ARHGEF28: variants seen among roughly 807,000 people sequenced by gnomAD.
ARHGEF28 encodes the protein 190 kDa guanine nucleotide exchange factor.
ARHGEF28 carries 152 observed loss-of-function variants against 206.6 expected under a neutral mutation model. The observed-to-expected ratio is 0.74, with a 90% CI of 0.64 to 0.84. The LOEUF is 0.84. ARHGEF28 is among the 40% of genes least tolerant of loss of function. ARHGEF28 has a pLI of 0.00. For synonymous variants in ARHGEF28, 763 were observed against 776.4 expected (o/e 0.98, Z 0.29); for missense variants, 2,028 against 2,073.2 (o/e 0.98, Z 0.42).
chr5:73,667,677 G>C (rs951351092), intron 1 of ARHGEF28, among the ~76,000 whole-genome samples: 12 of 152,140 alleles, frequency 7.9e-5, no homozygotes, highest in African/African-American at 2.9e-4. Flanking sequence ...GCTGGGCTGA[G>C]AGTTTCCCAA....
chr5:73,679,336 G>A (rs1014504516), intron 1 of ARHGEF28, among the ~76,000 whole-genome samples: 2 of 152,208 alleles, frequency 1.3e-5, no homozygotes, highest in Admixed American at 1.3e-4. Context: ...GGAGGCCAAG[G>A]CAGGCAGATC....
intron 11 of ARHGEF28, 93 bp from the exon 12 acceptor site, chr5:73,846,175 C>A (rs1758344074): frequency 8.4e-7 from 1 of 1,190,478 alleles, no homozygotes; most frequent in Non-Finnish European, 1.2e-6. Context: ...CCCCCCCGCC[C>A]CAGTGAAAGA....
At chr5:73,919,997 G>A (rs1763432776) in intron 35 of ARHGEF28, among the ~76,000 whole-genome samples, 1 of 152,190 alleles carries the variant, frequency 6.6e-6, no homozygotes, top group African/African-American at 2.4e-5. Context: ...GATATATGAT[G>A]AAGATTTGAT....
At chr5:73,659,680 T>C (rs890960167) in intron 1 of ARHGEF28, among the ~76,000 whole-genome samples, 3 of 152,196 alleles carry the variant, frequency 2.0e-5, no homozygotes, top group African/African-American at 4.8e-5. Flanking sequence ...CTTGAAGATA[T>C]TACAATTTCA....
At chr5:73,879,186 C>G (rs1271273976) in intron 22 of ARHGEF28, among the ~76,000 whole-genome samples, 1 of 152,216 alleles carries the variant, frequency 6.6e-6, no homozygotes, top group Non-Finnish European at 1.5e-5. Context: ...CATCTTCCAT[C>G]ACTGATACCC....
At chr5:73,680,729 A>T (rs1406449403) in intron 1 of ARHGEF28, among the ~76,000 whole-genome samples, 2 of 152,214 alleles carry the variant, frequency 1.3e-5, no homozygotes, top group African/African-American at 2.4e-5. Flanking sequence ...AGCAAATACC[A>T]CAAGTTGAGT....
chr5:73,851,235 T>A (rs762161092), intron 13 of ARHGEF28, among the ~76,000 whole-genome samples: 1 of 152,138 alleles, frequency 6.6e-6, no homozygotes, highest in African/African-American at 2.4e-5. Flanking sequence ...AATTTTCAGG[T>A]CTATTTGAAC....
At position 73,814,259 on chromosome 5, in the gene ARHGEF28, G is replaced by C. The variant is rs139262790; in HGVS notation, c.1025-18079G>C. On this transcript the variant is annotated intron_variant, in intron 9 of 35. Coordinates refer to ENST00000513042, the MANE Select transcript of ARHGEF28 (RefSeq NM_001177693.2). ...AGAGAATACAGTCACATTGTAAATA[G>C]TTTACTAAAAATAATGATCAAGTAA... is the stretch of plus-strand genomic sequence containing the variant. Among the ~76,000 whole-genome samples, 459 of 152,234 alleles carry C rather than the reference G, an allele frequency of 3.0e-3. 3 individuals carry two copies. Among genetic ancestry groups the C allele is most frequent in the African/African-American group, 0.01 (418 of 41,530 alleles).
chr5:73,922,202 G>A (rs967623974), intron 35 of ARHGEF28, among the ~76,000 whole-genome samples: 2 of 152,160 alleles, frequency 1.3e-5, no homozygotes, highest in African/African-American at 4.8e-5. Context: ...CGCCTCATTC[G>A]GTTTAGTCAC....
At chr5:73,880,936 C>A (rs1222413232) in intron 22 of ARHGEF28, among the ~76,000 whole-genome samples, 5 of 148,252 alleles carry the variant, frequency 3.4e-5, no homozygotes, top group African/African-American at 7.4e-5. Flanking sequence ...CACCCTGCCT[C>A]AAAAAAAAAA....
At chr5:73,747,529 G>T (rs954616136) in intron 2 of ARHGEF28, among the ~76,000 whole-genome samples, 3 of 152,120 alleles carry the variant, frequency 2.0e-5, no homozygotes, top group African/African-American at 7.2e-5. Flanking sequence ...AAATGTCCGT[G>T]TTATTTCATC....
chr5:73,741,383 GTGTATATATATATATATATATATATATA>G (rs1239942793), intron 2 of ARHGEF28, among the ~76,000 whole-genome samples: 2,256 of 17,820 alleles, frequency 0.13, 17 homozygotes, highest in Non-Finnish European at 0.16. Context: ...GTGTGTGTGT[GTGTATATATATATATATATATATATATA>G]TATATATATA....
At chr5:73,663,304 G>A (rs1048465445) in intron 1 of ARHGEF28, among the ~76,000 whole-genome samples, 1 of 152,190 alleles carries the variant, frequency 6.6e-6, no homozygotes, top group African/African-American at 2.4e-5. Context: ...TCTTCAGTGT[G>A]CAGGACTGTT....
intron 9 of ARHGEF28, among the ~76,000 whole-genome samples, chr5:73,826,487 G>C (rs576279133): frequency 7.9e-5 from 12 of 152,346 alleles, no homozygotes; most frequent in Non-Finnish European, 1.5e-4. Context: ...GTCAGCAGCA[G>C]GTTTGCAGAA....
At chr5:73,792,195 G>C (rs889650581) in intron 7 of ARHGEF28, among the ~76,000 whole-genome samples, 1 of 152,140 alleles carries the variant, frequency 6.6e-6, no homozygotes, top group Admixed American at 6.5e-5. Context: ...TTTTTTAAAT[G>C]ATGAGGTACA....
At chr5:73,846,573 A>G in intron 12 of ARHGEF28, 98 bp downstream of exon 12, 1 of 1,145,856 alleles carries the variant, frequency 8.7e-7, no homozygotes. Context: ...TATTTTATTC[A>G]TACATATGAA....
chr5:73,678,775 T>C (rs1746868267), intron 1 of ARHGEF28, among the ~76,000 whole-genome samples: 2 of 151,932 alleles, frequency 1.3e-5, no homozygotes, highest in Admixed American at 6.6e-5. Flanking sequence ...GTGCAGATCT[T>C]CAAAATGTAC....
At chr5:73,888,361 C>T (rs1256072141) in intron 26 of ARHGEF28, among the ~76,000 whole-genome samples, 1 of 152,204 alleles carries the variant, frequency 6.6e-6, no homozygotes, top group Non-Finnish European at 1.5e-5. Context: ...TCTATGTTCC[C>T]AATCAATTTG....
At chr5:73,890,590 C>T (rs554002762) in intron 26 of ARHGEF28, among the ~76,000 whole-genome samples, 1 of 152,314 alleles carries the variant, frequency 6.6e-6, no homozygotes, top group East Asian at 1.9e-4. Flanking sequence ...TATTTTTACT[C>T]TCATGCTACT....
Sources: allele counts gnomAD v4.1 joint callset (sites outside exome capture counted in the v4.1 genomes callset), GRCh38; gene constraint gnomAD v4.1.1; transcripts MANE v1.5; gene names NCBI Gene and HGNC (gene_info 2026-07-23, HGNC 2026-07-21).